Variants in GPR143 observed in about 807,000 individuals in gnomAD.
GPR143 encodes the protein G protein-coupled receptor 143.
In GPR143, 8 loss-of-function variants were observed where a neutral mutation model predicts 27.6. The ratio of observed to expected loss-of-function variants is 0.29; its 90% CI spans 0.17 to 0.52. The LOEUF is 0.52. Ranked by LOEUF, GPR143 falls within the 20% of genes least tolerant of loss-of-function variation. The pLI, the probability that GPR143 is intolerant of heterozygous loss-of-function variation, is 0.96. For synonymous variants in GPR143, 156 were observed against 153.2 expected (o/e 1.02, Z -0.13); for missense variants, 303 against 343.1 (o/e 0.88, Z 0.92).
At chrX:9,726,295 T>A (rs2083327269) in intron 8 of GPR143, among the ~76,000 whole-genome samples, 1 of 111,350 alleles carries the variant, frequency 9.0e-6, no homozygotes, top group Non-Finnish European at 1.9e-5. Flanking sequence ...TACACTCAAT[T>A]CTAGGAAGTG....
intron 1 of GPR143, 143 bp downstream of exon 1, chrX:9,765,425 C>T: frequency 1.6e-6 from 1 of 606,419 alleles, no homozygotes; most frequent in Non-Finnish European, 2.2e-6. Flanking sequence ...GCGGGCCTCT[C>T]GTCCTCACTC....
chrX:9,738,015 G>A (rs1238739808), intron 8 of GPR143, among the ~76,000 whole-genome samples: 2 of 111,473 alleles, frequency 1.8e-5, no homozygotes, highest in African/African-American at 6.5e-5. Flanking sequence ...ACAAAAACAG[G>A]GAGCCCTCAC....
At position 9,748,652 on chromosome X, in the gene GPR143, T is replaced by C. The variant is rs374270221; in HGVS notation, c.470A>G (p.Tyr157Cys). 14 of 1,200,338 alleles carry C rather than the reference T, an allele frequency of 1.2e-5. No homozygotes were observed. The highest frequency in any genetic ancestry group is 1.5e-5 in the Non-Finnish European group (13 of 885,481). ...GGCCAGGCCCCACGCCATGATGTGA[T>C]ACAGCAGGATGGTGCTAGGGGACAA... ...RSAGLSTILL[Y>C]HIMAWGLATL... The change falls in exon 4 of 9, where the codon TAT becomes TGT. Residue 157 changes from tyrosine to cysteine, a missense_variant. Tyr to Cys is a radical substitution (Grantham distance 194). Transcript: ENST00000467482.
upstream of GPR143, chrX:9,765,871 G>A: frequency 9.8e-7 from 1 of 1,017,556 alleles, no homozygotes; most frequent in Non-Finnish European, 1.3e-6. Flanking sequence ...CGGCCTGCCT[G>A]GGTCATGTGC....
chrX:9,771,687 A>G (rs1237130744), intron 1 of GPR143, among the ~76,000 whole-genome samples: 2 of 106,810 alleles, frequency 1.9e-5, no homozygotes, highest in African/African-American at 6.8e-5. Context: ...TTAGCATCCA[A>G]CTAAGCCATG....
At chrX:9,733,820 G>T (rs2083366269) in intron 8 of GPR143, among the ~76,000 whole-genome samples, 1 of 111,277 alleles carries the variant, frequency 9.0e-6, no homozygotes, top group Non-Finnish European at 1.9e-5. Context: ...AGTGGCTCAC[G>T]CCTGTAATCC....
intron 1 of GPR143, among the ~76,000 whole-genome samples, chrX:9,764,618 G>T (rs2083519494): frequency 9.0e-6 from 1 of 111,162 alleles, no homozygotes; most frequent in African/African-American, 3.3e-5. Flanking sequence ...ATCTTTTCTG[G>T]TCTGGGTTTT....
At chrX:9,768,536 A>G (rs2083542953), upstream of GPR143, among the ~76,000 whole-genome samples, 1 of 111,700 alleles carries the variant, frequency 9.0e-6, no homozygotes, top group Non-Finnish European at 1.9e-5. Context: ...TCAAATTAGC[A>G]GAGCGTGCTG....
At chrX:9,753,151 G>A (rs1258502070) in intron 3 of GPR143, among the ~76,000 whole-genome samples, 1 of 110,753 alleles carries the variant, frequency 9.0e-6, no homozygotes, top group Non-Finnish European at 1.9e-5. Flanking sequence ...CAAGGCGGGT[G>A]GATCAGGACC....
At chrX:9,773,041 C>T (rs1023160900) in intron 1 of GPR143, among the ~76,000 whole-genome samples, 8 of 110,452 alleles carry the variant, frequency 7.2e-5, no homozygotes, top group African/African-American at 2.0e-4. Context: ...AATAAATGGA[C>T]GAGTACAGAC....
chrX:9,765,686 GC>G lies in GPR143; in HGVS notation c.131del (p.Gly44AlafsTer43). The G allele has an allele frequency of 9.1e-7, 1 of 1,099,231 alleles. No homozygotes were observed. The highest frequency in any genetic ancestry group is 1.2e-6 in the Non-Finnish European group (1 of 844,534). 90.6% of individuals were successfully genotyped at this position (1,099,231 alleles called of 1,213,427 possible). A position where few individuals can be genotyped will look rare whatever the true frequency, so the allele number is the denominator to read the frequency against. ...LGSGGLRLAL[G>X]LLQLLPGRRP... ...GGCGGCCGGGCAGCAGCTGCAGAAGGCCCAGCGCCAAGCGGAGCCCGCCGCT... is the reference window on the plus strand; with the variant it reads ...GGCGGCCGGGCAGCAGCTGCAGAAGGCCAGCGCCAAGCGGAGCCCGCCGCT... On this transcript the variant is annotated frameshift_variant, in exon 1 of 9. Transcript: ENST00000467482. LOFTEE classifies it high-confidence loss of function.
Position 9,727,056 on chromosome X carries a change from G to A in GPR143, c.1121-1216C>T, listed in dbSNP as rs755404324. Among the ~76,000 whole-genome samples the A allele has an allele frequency of 6.2e-5, 7 of 112,787 alleles. No individual in the cohort carries two copies. In the East Asian group the frequency reaches 1.4e-3, roughly 22 times the overall value. On this transcript the variant is annotated intron_variant, in intron 8 of 8. Coordinates refer to ENST00000467482, the MANE Select transcript of GPR143 (RefSeq NM_000273.3). ...GAGTGGGTCCCTGGTTTGGGGTTTC[G>A]ACCCCACCTTCAAGCCAAAAACAGC...
At chrX:9,741,207 C>G in intron 7 of GPR143, 131 bp downstream of exon 7, 1 of 425,522 alleles carries the variant, frequency 2.4e-6, no homozygotes. Flanking sequence ...TGCTTGAGCC[C>G]AGGAGTTTAA....
rs2083516123 is a variant in GPR143, at chrX:9,764,212, A to C, written c.250+1356T>G. Among the ~76,000 whole-genome samples, 4 of 110,836 alleles carry C rather than the reference A, an allele frequency of 3.6e-5. No individual in the cohort carries two copies. In the Admixed American group the frequency reaches 3.9e-4, roughly 11 times the overall value. ...TAGCTGAGGTGGGAGGATCGCTTGA[A>C]CCCAGGAGGTCGAGGCTGCAGTGAG... On this transcript the variant is annotated intron_variant, in intron 1 of 8. Coordinates refer to ENST00000467482, the MANE Select transcript of GPR143 (RefSeq NM_000273.3).
At chrX:9,745,067 C>T (rs1391133576) in intron 5 of GPR143, among the ~76,000 whole-genome samples, 5 of 111,903 alleles carry the variant, frequency 4.5e-5, no homozygotes, top group Non-Finnish European at 9.4e-5. Flanking sequence ...GCCTGGCCAA[C>T]ATAGTGAAAC....
chrX:9,765,627 G>A lies in GPR143; in HGVS notation c.191C>T (p.Pro64Leu), dbSNP rs936878316. The change falls in exon 1 of 9, where the codon CCG becomes CTG. Residue 64 changes from proline (P) to leucine (L), a missense_variant. Coordinates refer to ENST00000467482, the MANE Select transcript of GPR143 (RefSeq NM_000273.3). ...GCGCAGGATGCGGACCGAGGCCGGC[G>A]GGGACGTCGCGGGGGACCCGGGGCC... ...PAGPGSPATS[P>L]PASVRILRAA... 1.6e-5 allele frequency: 16 copies of A among 989,737 alleles called. No homozygotes were observed. The East Asian group carries it at 3.8e-4, about 24-fold the overall frequency. 81.6% of individuals were successfully genotyped at this position (989,737 alleles called of 1,213,427 possible).
intron 3 of GPR143, among the ~76,000 whole-genome samples, chrX:9,753,227 A>C (rs1349587524): frequency 9.1e-6 from 1 of 109,967 alleles, no homozygotes; most frequent in Non-Finnish European, 1.9e-5. Context: ...GTGTGGTGGC[A>C]GGTGCCTGTA....
At chrX:9,775,829 G>A (rs549736137) in intron 1 of GPR143, among the ~76,000 whole-genome samples, 5 of 112,086 alleles carry the variant, frequency 4.5e-5, no homozygotes, top group African/African-American at 1.3e-4. Context: ...GTGTGTGTGC[G>A]GCAGGGTGGG....
chrX:9,754,256 C>G (rs1182237746), intron 3 of GPR143, among the ~76,000 whole-genome samples: 1 of 112,112 alleles, frequency 8.9e-6, no homozygotes, highest in Non-Finnish European at 1.9e-5. Context: ...AGGAAAGAAA[C>G]AAGCCCAAAG....
Sources: gnomAD v4.1 joint callset for allele counts (sites outside exome capture counted in the v4.1 genomes callset) on GRCh38, gnomAD v4.1.1 for gene constraint, MANE v1.5 for transcripts, NCBI Gene and HGNC (gene_info 2026-07-23, HGNC 2026-07-21) for gene names.